Variants in CSMD1 observed in about 807,000 individuals in gnomAD.
CSMD1 encodes CUB and sushi domain-containing protein 1.
A neutral mutation model predicts 417.5 loss-of-function variants in CSMD1; 213 were observed. The observed-to-expected ratio is 0.51, with a 90% confidence interval of 0.46 to 0.57. CSMD1 has a LOEUF of 0.57. CSMD1 is among the 20% of genes least tolerant of loss of function. The pLI is 0.00. For missense variants in CSMD1, 6,923 were observed against 4,529.7 expected, an observed-to-expected ratio of 1.53 and a Z score of -15.17; for synonymous variants, 2,862 against 1,736.8, an observed-to-expected ratio of 1.65 and a Z score of -16.11.
At chr8:4,814,018 C>A (rs1395353416) in intron 1 of CSMD1, among the ~76,000 whole-genome samples, 1 of 151,970 alleles carries the variant, frequency 6.6e-6, no homozygotes, top group Non-Finnish European at 1.5e-5. Context: ...CCTTTTTGAG[C>A]TTCATCACAT....
At chr8:3,580,688 T>C (rs62473879) in intron 9 of CSMD1, among the ~76,000 whole-genome samples, 16,067 of 152,184 alleles carry the variant, frequency 0.11, 1,060 homozygotes, top group Non-Finnish European at 0.14. Flanking sequence ...TTCACAGGAA[T>C]TAAAAATTAA....
chr8:4,272,431 T>C (rs1408007226), intron 3 of CSMD1, among the ~76,000 whole-genome samples: 3 of 152,244 alleles, frequency 2.0e-5, no homozygotes, highest in South Asian at 2.1e-4. Context: ...TCATACTACA[T>C]AGGAAAAACT....
intron 7 of CSMD1, among the ~76,000 whole-genome samples, chr8:3,677,518 G>C (rs541280640): frequency 6.6e-6 from 1 of 152,160 alleles, no homozygotes; most frequent in Non-Finnish European, 1.5e-5. Context: ...GAATGCCCAG[G>C]TGTCCCCAGG....
chr8:3,323,090 G>C (rs535335256), intron 23 of CSMD1, among the ~76,000 whole-genome samples: 2 of 152,192 alleles, frequency 1.3e-5, no homozygotes, highest in East Asian at 1.9e-4. Context: ...AAAAACATCT[G>C]TCATTTATCT....
At chr8:3,437,634 G>C (rs1032752170) in intron 12 of CSMD1, among the ~76,000 whole-genome samples, 1 of 152,234 alleles carries the variant, frequency 6.6e-6, no homozygotes, top group East Asian at 1.9e-4. Flanking sequence ...CATAGAAGAT[G>C]GTTGTGATTA....
chr8:4,804,660 C>T (rs764565723), intron 1 of CSMD1, among the ~76,000 whole-genome samples: 4 of 152,070 alleles, frequency 2.6e-5, no homozygotes, highest in Non-Finnish European at 5.9e-5. Context: ...AGAATTTTTA[C>T]TGACTTTTAG....
At chr8:4,413,900 C>A (rs1022956259) in intron 3 of CSMD1, among the ~76,000 whole-genome samples, 1 of 152,154 alleles carries the variant, frequency 6.6e-6, no homozygotes, top group Non-Finnish European at 1.5e-5. Context: ...GTCTAAGTTA[C>A]CTAATTAGCC....
intron 26 of CSMD1, among the ~76,000 whole-genome samples, chr8:3,248,003 C>T (rs1341817545): frequency 6.6e-6 from 1 of 152,104 alleles, no homozygotes; most frequent in Non-Finnish European, 1.5e-5. Context: ...TCTACATCAA[C>T]ATCATCAAAC....
intron 5 of CSMD1, among the ~76,000 whole-genome samples, chr8:3,805,945 G>C (rs1204131834): frequency 6.6e-6 from 1 of 152,134 alleles, no homozygotes; most frequent in Non-Finnish European, 1.5e-5. Flanking sequence ...ACCTGCTCTT[G>C]AAAGGCTCCT....
chr8:4,556,849 GTAAC>G (rs1185541412), intron 2 of CSMD1, among the ~76,000 whole-genome samples: 1 of 152,156 alleles, frequency 6.6e-6, no homozygotes, highest in African/African-American at 2.4e-5. Flanking sequence ...TTTGGGATGT[GTAAC>G]TAATACGTAT....
At position 3,933,706 on chromosome 8, in the gene CSMD1, T is replaced by G. The variant is rs371120613; in HGVS notation, c.818+64197A>C. ...TCGCATGCAATTTGTGCTCCTTTTGTATGCAAAATTACGTTCAAAAATCCT... is the reference window on the plus strand; with the variant it reads ...TCGCATGCAATTTGTGCTCCTTTTGGATGCAAAATTACGTTCAAAAATCCT... On this transcript the variant is annotated intron_variant, in intron 5 of 69. Coordinates refer to ENST00000635120, the MANE Select transcript of CSMD1 (RefSeq NM_033225.6). 2.0e-3 allele frequency among the ~76,000 whole-genome samples: 299 copies of G among 152,328 alleles called. 1 individual carries two copies. The highest frequency in any genetic ancestry group is 6.9e-3 in the African/African-American group (287 of 41,576).
rs547310354 is a variant in CSMD1, at chr8:4,816,745, T to C, written c.85+177587A>G. Reference sequence around the variant, plus strand: ...CAAAAATCAATCAACTAGGAGGCTGTTGCAGGACTCATCTAGGACTGAGGA... The same window carrying C: ...CAAAAATCAATCAACTAGGAGGCTGCTGCAGGACTCATCTAGGACTGAGGA... On this transcript the variant is annotated intron_variant, in intron 1 of 69. Coordinates refer to ENST00000635120, the MANE Select transcript of CSMD1 (RefSeq NM_033225.6). 5.9e-5 allele frequency among the ~76,000 whole-genome samples: 9 copies of C among 152,206 alleles called. No individual in the cohort carries two copies. In the South Asian group the frequency reaches 8.3e-4, roughly 14 times the overall value.
intron 5 of CSMD1, among the ~76,000 whole-genome samples, chr8:3,847,382 C>G (rs1475067634): frequency 6.6e-6 from 1 of 152,166 alleles, no homozygotes; most frequent in Non-Finnish European, 1.5e-5. Context: ...CTCCTGCTGG[C>G]CTCCCGGAAG....
chr8:3,241,706 G>A (rs1211591813), intron 26 of CSMD1, among the ~76,000 whole-genome samples: 2 of 152,194 alleles, frequency 1.3e-5, no homozygotes, highest in Non-Finnish European at 1.5e-5. Flanking sequence ...GGTGTTTCTG[G>A]AGGAACGCCT....
intron 1 of CSMD1, among the ~76,000 whole-genome samples, chr8:4,772,155 G>T (rs1273270414): frequency 6.6e-6 from 1 of 152,030 alleles, no homozygotes; most frequent in East Asian, 1.9e-4. Context: ...TCCTTGTGGT[G>T]GTAGGGATGA....
At position 3,348,150 on chromosome 8, in the gene CSMD1, C is replaced by T. The variant is rs1359652235; in HGVS notation, c.3316G>A (p.Ala1106Thr). 9.3e-6 allele frequency: 15 copies of T among 1,611,584 alleles called. No individual in the cohort carries two copies. The highest frequency in any genetic ancestry group is 1.2e-5 in the Non-Finnish European group (14 of 1,178,808). ...GTTCCTTCATTTCCTTTGACACTTG[C>T]TCCACATTCGGCTACAATAAATAGG... The part of the protein sequence containing the change: ...PLPRCVAECG[A>T]SVKGNEGTLL... The change falls in exon 22 of 70, where the codon GCA becomes ACA. Residue 1106 changes from alanine to threonine, a missense_variant. Physicochemically the swap from Ala to Thr is moderately conservative, Grantham distance 58 (BLOSUM62 0). Transcript: ENST00000635120.
chr8:4,171,730 A>C (rs1469303571), intron 3 of CSMD1, among the ~76,000 whole-genome samples: 1 of 149,640 alleles, frequency 6.7e-6, no homozygotes, highest in African/African-American at 2.6e-5. Flanking sequence ...CAAGCTTCTG[A>C]AATTTTCATC....
chr8:2,988,858 G>T (rs182804623), intron 54 of CSMD1, among the ~76,000 whole-genome samples: 280 of 152,224 alleles, frequency 1.8e-3, no homozygotes, highest in Admixed American at 5.6e-3. Flanking sequence ...GAATAAGCAG[G>T]CTACCCAGGG....
rs1184341356 is a variant in CSMD1, at chr8:4,824,197, C to G, written c.85+170135G>C. 2.0e-5 allele frequency among the ~76,000 whole-genome samples: 3 copies of G among 152,006 alleles called. No homozygotes were observed. The East Asian group carries it at 5.8e-4, about 29-fold the overall frequency. On this transcript the variant is annotated intron_variant, in intron 1 of 69. Coordinates refer to ENST00000635120, the MANE Select transcript of CSMD1 (RefSeq NM_033225.6). The stretch of plus-strand genomic sequence containing the variant: ...TTTGGACAAAGTAGTTTAATTCATT[C>G]TCTACCTATAACATGTAATGTTATA...
Sources: allele counts gnomAD v4.1 joint callset (sites outside exome capture counted in the v4.1 genomes callset), GRCh38; gene constraint gnomAD v4.1.1; transcripts MANE v1.5; gene names NCBI Gene and HGNC (gene_info 2026-07-23, HGNC 2026-07-21).